NIPBL: variants seen among roughly 807,000 people sequenced by gnomAD.
NIPBL encodes NIPBL cohesin loading factor.
A neutral mutation model predicts 321.8 loss-of-function variants in NIPBL; 19 were observed. The observed-to-expected ratio is 0.06, with a 90% confidence interval of 0.04 to 0.09. The LOEUF (loss-of-function observed/expected upper bound fraction) is 0.09. Ranked by LOEUF, NIPBL falls within the 10% of genes least tolerant of loss-of-function variation. The pLI is 1.00. For missense variants in NIPBL, 2,210 were observed against 3,327.0 expected, an observed-to-expected ratio of 0.66 and a Z score of 8.26; for synonymous variants, 1,106 against 1,114.1, an observed-to-expected ratio of 0.99 and a Z score of 0.14.
Position 36,985,982 on chromosome 5 carries a change from C to A in NIPBL, c.2802C>A (p.His934Gln), listed in dbSNP as rs748966128. The change falls in exon 10 of 47, where the codon CAC (histidine) becomes CAA (glutamine). Residue 934 changes from histidine (H) to glutamine (Q), a missense_variant. By Grantham distance (24) the His-to-Gln change is conservative (BLOSUM62 0). Around this residue, in one of 14 missense-constraint regions of NIPBL, gnomAD observed 588 missense variants for 564.1 expected, o/e 1.04. Coordinates refer to ENST00000282516, the MANE Select transcript of NIPBL (RefSeq NM_133433.4). ...NKSKVDTNKA[H>Q]PDNKAEFPSY... The stretch of plus-strand genomic sequence containing the variant: ...GTAAAGTAGACACTAATAAAGCACA[C>A]CCTGACAATAAGGCAGAATTTCCAA... 1.2e-6 allele frequency: 2 copies of A among 1,613,958 alleles called. No individual in the cohort carries two copies. Among genetic ancestry groups the A allele is most frequent in the Non-Finnish European group, 1.7e-6 (2 of 1,179,944 alleles).
Position 36,986,284 on chromosome 5 carries a change from C to T in NIPBL, c.3104C>T (p.Pro1035Leu), listed in dbSNP as rs368526792. 3 of 1,514,578 alleles carry T rather than the reference C, an allele frequency of 2.0e-6. No homozygotes were observed. The highest frequency in any genetic ancestry group is 4.5e-5 in the Admixed American group (2 of 44,124). 93.8% of individuals were successfully genotyped at this position (1,514,578 alleles called of 1,614,324 possible). A position where few individuals can be genotyped will look rare whatever the true frequency, so the allele number is the denominator to read the frequency against. ...RSSLKPIKNKPSKSNKGSIDQ... is the reference protein window; with the variant it reads ...RSSLKPIKNKLSKSNKGSIDQ... ...TCCCTTAAACCTATCAAGAATAAAC[C>T]ATCAAAGTCAAATAAAGGTAAGAAT... Residue 1035 changes from proline (P) to leucine (L), a missense_variant, in exon 10 of 47, where the codon CCA (proline) becomes CTA (leucine). This residue lies in a region of NIPBL where 381 missense variants were observed against 642.3 expected (regional missense o/e 0.59). Transcript: ENST00000282516.
At chr5:36,905,181 G>A (rs750909951) in intron 1 of NIPBL, among the ~76,000 whole-genome samples, 14 of 152,152 alleles carry the variant, frequency 9.2e-5, no homozygotes, top group Non-Finnish European at 1.5e-5. Context: ...TATGTAGCTT[G>A]TCAGCAGTTA....
chr5:36,940,566 G>T lies in NIPBL; in HGVS notation c.-79-13052G>T, dbSNP rs368976010. On this transcript the variant is annotated intron_variant, in intron 1 of 46. Transcript: ENST00000282516. ...TTGCCTGTTTAACTCTTACTTATGA[G>T]ATTTCCTTAATGAGACATTTCCTCC... Among the ~76,000 whole-genome samples the T allele has an allele frequency of 9.2e-5, 14 of 152,014 alleles. No individual in the cohort carries two copies. The East Asian group carries it at 1.7e-3, about 19-fold the overall frequency.
intron 19 of NIPBL, 116 bp downstream of exon 19, chr5:37,008,204 A>C: frequency 1.4e-6 from 1 of 709,150 alleles, no homozygotes; most frequent in Non-Finnish European, 2.6e-6. Context: ...CATTCATTTC[A>C]ATCTAAGGAC....
At chr5:36,902,599 T>C (rs998724600) in intron 1 of NIPBL, among the ~76,000 whole-genome samples, 8 of 152,312 alleles carry the variant, frequency 5.3e-5, no homozygotes, top group Admixed American at 4.6e-4. Flanking sequence ...TCCATTTGTC[T>C]GTGTATCTGT....
chr5:36,985,053 C>T lies in NIPBL; in HGVS notation c.1873C>T (p.Pro625Ser). Residue 625 changes from proline (P) to serine (S), a missense_variant, in exon 10 of 47, where the codon CCA becomes TCA. Pro to Ser is a moderately conservative substitution (Grantham distance 74). Transcript: ENST00000282516. ...QSESRLAESK[P>S]NENRLVETKS... ...TGAAAGTAGATTAGCAGAATCTAAA[C>T]CAAATGAAAACCGATTGGTGGAGAC... The T allele has an allele frequency of 1.2e-6, 2 of 1,613,706 alleles. No homozygotes were observed. Among genetic ancestry groups the T allele is most frequent in the Non-Finnish European group, 1.7e-6 (2 of 1,179,914 alleles).
chr5:37,049,761 A>T (rs1753332514), intron 40 of NIPBL, among the ~76,000 whole-genome samples: 2 of 152,188 alleles, frequency 1.3e-5, no homozygotes, highest in Admixed American at 6.5e-5. Context: ...TCATAGCATT[A>T]ATATGAGGAC....
intron 1 of NIPBL, among the ~76,000 whole-genome samples, chr5:36,912,088 T>G (rs1748092995): frequency 6.6e-6 from 1 of 152,130 alleles, no homozygotes; most frequent in Non-Finnish European, 1.5e-5. Context: ...CCCAATTAGG[T>G]TATTGCAAGA....
At chr5:36,899,130 G>C (rs1279477594) in intron 1 of NIPBL, among the ~76,000 whole-genome samples, 1 of 152,034 alleles carries the variant, frequency 6.6e-6, no homozygotes, top group African/African-American at 2.4e-5. Context: ...TTGGGAAATG[G>C]GGTCTTGAAA....
At chr5:37,003,705 GA>G (rs1344268204) in intron 16 of NIPBL, among the ~76,000 whole-genome samples, 1 of 152,108 alleles carries the variant, frequency 6.6e-6, no homozygotes, top group Non-Finnish European at 1.5e-5. Context: ...TCATGTGGGG[GA>G]AATTTCACAT....
chr5:36,929,937 C>T (rs186836909), intron 1 of NIPBL, among the ~76,000 whole-genome samples: 40 of 151,988 alleles, frequency 2.6e-4, no homozygotes, highest in African/African-American at 8.9e-4. Flanking sequence ...TTGATCAATC[C>T]GTATACCTGT....
At chr5:36,933,767 A>G (rs1022785485) in intron 1 of NIPBL, among the ~76,000 whole-genome samples, 2 of 151,996 alleles carry the variant, frequency 1.3e-5, no homozygotes, top group Non-Finnish European at 2.9e-5. Context: ...TCCTTCATCA[A>G]CTATACCATA....
intron 45 of NIPBL, among the ~76,000 whole-genome samples, chr5:37,062,057 G>A (rs1039627249): frequency 7.9e-5 from 12 of 152,184 alleles, no homozygotes; most frequent in African/African-American, 2.9e-4. Context: ...GGCCAGGCTG[G>A]TCTCAAACTC....
chr5:37,063,794 A>G lies in NIPBL; in HGVS notation c.7865A>G (p.Lys2622Arg), dbSNP rs746720769. Residue 2622 changes from lysine to arginine, a missense_variant, in exon 46 of 47, where the codon AAA (lysine) becomes AGA (arginine). Transcript: ENST00000282516. ...AATAATATCTGTTTTTTGTAGTTCA[A>G]ACTTCTCATGGAACATCTGGACCCT... The part of the protein sequence containing the change: ...RSIVKQYLDF[K>R]LLMEHLDPDE... 4.3e-6 allele frequency: 7 copies of G among 1,613,036 alleles called. No homozygotes were observed. The highest frequency in any genetic ancestry group is 5.9e-6 in the Non-Finnish European group (7 of 1,179,496).
intron 20 of NIPBL, 131 bp downstream of exon 20, chr5:37,008,854 A>G (rs1747750067): frequency 4.6e-6 from 3 of 656,948 alleles, no homozygotes; most frequent in Admixed American, 2.7e-5. Context: ...TCAGAACAGC[A>G]TGAAAAATAG....
chr5:36,966,625 AG>A, intron 6 of NIPBL, among the ~76,000 whole-genome samples: 1 of 152,232 alleles, frequency 6.6e-6, no homozygotes, highest in East Asian at 1.9e-4. Flanking sequence ...TTTTACTTAA[AG>A]GGGGTAGCAT....
intron 6 of NIPBL, among the ~76,000 whole-genome samples, chr5:36,967,828 G>A (rs1481583268): frequency 6.6e-6 from 1 of 152,112 alleles, no homozygotes; most frequent in African/African-American, 2.4e-5. Flanking sequence ...GGCCAGGCAT[G>A]ATTGCTCACT....
At chr5:37,024,354 G>A (rs1427891129) in intron 29 of NIPBL, among the ~76,000 whole-genome samples, 2 of 151,920 alleles carry the variant, frequency 1.3e-5, no homozygotes, top group Non-Finnish European at 2.9e-5. Context: ...TGTGTCCAGG[G>A]CTTAACTATA....
At chr5:37,013,235 T>C (rs570240838) in intron 21 of NIPBL, among the ~76,000 whole-genome samples, 2 of 122,060 alleles carry the variant, frequency 1.6e-5, no homozygotes, top group South Asian at 5.9e-4. Context: ...CACTTCCCAG[T>C]AGGCGCGGCC....
Sources: allele counts gnomAD v4.1 joint callset (sites outside exome capture counted in the v4.1 genomes callset), GRCh38; gene constraint gnomAD v4.1.1; regional missense constraint gnomAD v4.1.1; transcripts MANE v1.5; gene names NCBI Gene and HGNC (gene_info 2026-07-23, HGNC 2026-07-21).